PTPRD: variants seen among roughly 807,000 people sequenced by gnomAD.
PTPRD encodes protein tyrosine phosphatase receptor type D, also known as receptor-type tyrosine-protein phosphatase delta.
In PTPRD, 34 loss-of-function variants were observed where a neutral mutation model predicts 214.5. The ratio of observed to expected loss-of-function variants is 0.16; its 90% confidence interval spans 0.12 to 0.21. PTPRD has a LOEUF of 0.21. PTPRD is among the 10% of genes least tolerant of loss of function. The pLI, the probability that PTPRD is intolerant of heterozygous loss-of-function variation, is 1.00. For synonymous variants in PTPRD, 1,128 were observed against 845.7 expected, an observed-to-expected ratio of 1.33 and a Z score of -5.79; for missense variants, 2,545 against 2,398.7, an observed-to-expected ratio of 1.06 and a Z score of -1.27.
intron 10 of PTPRD, among the ~76,000 whole-genome samples, chr9:9,106,309 T>C (rs894175033): frequency 1.3e-5 from 2 of 152,000 alleles, no homozygotes; most frequent in Admixed American, 6.6e-5. Flanking sequence ...ATATCAATAA[T>C]ATTAATACAA....
intron 3 of PTPRD, among the ~76,000 whole-genome samples, chr9:10,278,905 G>C (rs2094907772): frequency 6.6e-6 from 1 of 152,012 alleles, no homozygotes; most frequent in Admixed American, 6.6e-5. Flanking sequence ...CTCCCGAGTA[G>C]CTGGGACTAC....
intron 35 of PTPRD, among the ~76,000 whole-genome samples, chr9:8,405,568 T>C (rs891806619): frequency 6.6e-6 from 1 of 152,142 alleles, no homozygotes; most frequent in East Asian, 1.9e-4. Flanking sequence ...GGACTTCATT[T>C]CCTGAAACGT....
intron 35 of PTPRD, among the ~76,000 whole-genome samples, chr9:8,405,959 G>A (rs752680565): frequency 4.6e-5 from 7 of 151,606 alleles, no homozygotes; most frequent in Non-Finnish European, 1.0e-4. Flanking sequence ...AAGTCTGTTA[G>A]TAGTCTTGAA....
intron 9 of PTPRD, among the ~76,000 whole-genome samples, chr9:9,331,464 T>C (rs2042290868): frequency 6.6e-6 from 1 of 152,034 alleles, no homozygotes. Flanking sequence ...CAATTGAAAC[T>C]GGAGGAGGAG....
chr9:9,059,325 A>C (rs2154400121), intron 10 of PTPRD, among the ~76,000 whole-genome samples: 1 of 152,364 alleles, frequency 6.6e-6, no homozygotes, highest in South Asian at 2.1e-4. Flanking sequence ...AGACCAGATA[A>C]GAAATAAATG....
chr9:9,334,204 A>G (rs9644896), intron 9 of PTPRD, among the ~76,000 whole-genome samples: 26,483 of 151,918 alleles, frequency 0.17, 2,534 homozygotes, highest in East Asian at 0.36. Context: ...TAGTTGCTTA[A>G]CAATAAAACA....
At chr9:10,013,137 C>T (rs927074149) in intron 4 of PTPRD, among the ~76,000 whole-genome samples, 4 of 151,620 alleles carry the variant, frequency 2.6e-5, no homozygotes, top group East Asian at 3.9e-4. Flanking sequence ...GTGAGTATAC[C>T]GAGTATACCT....
At chr9:9,504,688 A>G (rs373815847) in intron 8 of PTPRD, among the ~76,000 whole-genome samples, 160 of 151,788 alleles carry the variant, frequency 1.1e-3, no homozygotes, top group African/African-American at 3.8e-3. Flanking sequence ...AACGCATCCA[A>G]GTCTGAAAGG....
chr9:8,546,095 C>A (rs7856850), intron 14 of PTPRD, among the ~76,000 whole-genome samples: 47,464 of 152,076 alleles, frequency 0.31, 8,746 homozygotes, highest in African/African-American at 0.52. Context: ...GTGTTGCTTT[C>A]ATCTGTACTT....
In PTPRD at chr9:8,643,070, G is replaced by A. The variant is rs574564211; in HGVS notation, c.65-6226C>T. Among the ~76,000 whole-genome samples, 6 of 152,104 alleles carry A rather than the reference G, an allele frequency of 3.9e-5. No individual in the cohort carries two copies. The South Asian group carries it at 1.2e-3, about 32-fold the overall frequency. The stretch of plus-strand genomic sequence containing the variant: ...GTCACCTGTTGACATCTGTGGTCAG[G>A]ATAGATCTTCAAAATCAAACAGACT... On this transcript the variant is annotated intron_variant, in intron 12 of 45. Coordinates refer to ENST00000381196, the MANE Select transcript of PTPRD (RefSeq NM_002839.4).
chr9:8,996,113 G>C (rs1331665), intron 11 of PTPRD, among the ~76,000 whole-genome samples: 1 of 151,630 alleles, frequency 6.6e-6, no homozygotes, highest in Non-Finnish European at 1.5e-5. Flanking sequence ...AAACTCCAAG[G>C]TATTTACCCA....
intron 9 of PTPRD, among the ~76,000 whole-genome samples, chr9:9,319,668 G>A (rs527431493): frequency 5.3e-5 from 8 of 152,170 alleles, no homozygotes; most frequent in Admixed American, 1.3e-4. Context: ...TAGCTCTTAC[G>A]TAGTTCAGAA....
chr9:9,328,367 T>C (rs369119888), intron 9 of PTPRD, among the ~76,000 whole-genome samples: 1 of 152,054 alleles, frequency 6.6e-6, no homozygotes, highest in Non-Finnish European at 1.5e-5. Context: ...TTTGTTATTG[T>C]TGTTTCATAT....
intron 11 of PTPRD, among the ~76,000 whole-genome samples, chr9:8,797,733 G>C (rs1273956148): frequency 6.6e-6 from 1 of 152,136 alleles, no homozygotes; most frequent in Non-Finnish European, 1.5e-5. Context: ...TTGTATTAAA[G>C]ATATTTGCAT....
intron 10 of PTPRD, among the ~76,000 whole-genome samples, chr9:9,023,846 T>A (rs924028583): frequency 1.3e-5 from 2 of 152,122 alleles, no homozygotes; most frequent in African/African-American, 4.8e-5. Context: ...ATTATTTTAC[T>A]TGCTTTTTTA....
chr9:10,065,568 A>T (rs1280932744), intron 3 of PTPRD, among the ~76,000 whole-genome samples: 1 of 151,870 alleles, frequency 6.6e-6, no homozygotes, highest in Non-Finnish European at 1.5e-5. Context: ...TTGGTCTGAT[A>T]CATTTGTGTT....
intron 3 of PTPRD, among the ~76,000 whole-genome samples, chr9:10,060,126 C>G (rs1452552069): frequency 6.6e-6 from 1 of 151,982 alleles, no homozygotes; most frequent in Non-Finnish European, 1.5e-5. Flanking sequence ...GCTAAAATAG[C>G]TTTGTCTACC....
intron 9 of PTPRD, among the ~76,000 whole-genome samples, chr9:9,394,203 A>T (rs1025807571): frequency 6.6e-6 from 1 of 152,204 alleles, no homozygotes; most frequent in African/African-American, 2.4e-5. Flanking sequence ...TCAGAAAGCA[A>T]ATGGAATGGC....
rs1187084420 is a variant in PTPRD, at chr9:8,373,624, T to G, written c.4661+2312A>C. Among the ~76,000 whole-genome samples, 31 of 26,808 alleles carry G rather than the reference T, an allele frequency of 1.2e-3. No homozygotes were observed. The East Asian group carries it at 0.014, about 12-fold the overall frequency. The allele number at this position is 26,808 out of a possible 152,430, so 17.6% of individuals were successfully genotyped here. The stretch of plus-strand genomic sequence containing the variant: ...TAACATGGATGCGGGTGTGTGTGTG[T>G]GTGTGTGTGTGTGTGTGTGTGTGTG... On this transcript the variant is annotated intron_variant, in intron 39 of 45. Transcript: ENST00000381196.
Sources: gnomAD v4.1 joint callset for allele counts (sites outside exome capture counted in the v4.1 genomes callset) on GRCh38, gnomAD v4.1.1 for gene constraint, MANE v1.5 for transcripts, NCBI Gene and HGNC (gene_info 2026-07-23, HGNC 2026-07-21) for gene names.